CFAP47: variants seen among roughly 807,000 people sequenced by gnomAD.
CFAP47 encodes cilia and flagella associated protein 47.
A neutral mutation model predicts 148.1 loss-of-function variants in CFAP47; 29 were observed. That is an observed-to-expected ratio of 0.20 (90% confidence interval 0.15 to 0.27). The LOEUF (loss-of-function observed/expected upper bound fraction) is 0.27. CFAP47 is among the 10% of genes least tolerant of loss of function. The pLI is 1.00. For missense variants in CFAP47, 1,872 were observed against 1,697.5 expected, an observed-to-expected ratio of 1.10 and a Z score of -1.81; for synonymous variants, 664 against 577.3, an observed-to-expected ratio of 1.15 and a Z score of -2.15.
intron 37 of CFAP47, among the ~76,000 whole-genome samples, chrX:36,157,684 G>GT (rs1343665748): frequency 2.7e-3 from 282 of 106,283 alleles, no homozygotes; most frequent in Middle Eastern, 0.019. Context: ...GAATAGTGGT[G>GT]TTTTTTTTTT....
rs183769712 is a variant in CFAP47, at chrX:36,219,871, G to A, written c.6818-8757G>A. On this transcript the variant is annotated intron_variant, in intron 45 of 63. Coordinates refer to ENST00000378653, the MANE Select transcript of CFAP47 (RefSeq NM_001304548.2). ...AATGTATAAAACCAAGTTGTGCCCC[G>A]ACCACCTTGAGCACATGTTGTCAGG... Among the ~76,000 whole-genome samples the A allele has an allele frequency of 2.2e-3, 245 of 111,152 alleles. 1 individual carries two copies. The highest frequency in any genetic ancestry group is 3.2e-3 in the Non-Finnish European group (172 of 52,992).
chrX:36,339,834 G>C (rs190652778), intron 57 of CFAP47, among the ~76,000 whole-genome samples: 1 of 111,989 alleles, frequency 8.9e-6, no homozygotes, highest in Admixed American at 9.5e-5. Flanking sequence ...ATGTTGTAAA[G>C]TTTACCTTAG....
intron 56 of CFAP47, among the ~76,000 whole-genome samples, chrX:36,317,304 A>G (rs990002553): frequency 2.0e-4 from 22 of 112,113 alleles, no homozygotes; most frequent in Non-Finnish European, 3.4e-4. Flanking sequence ...TCCCAAATTC[A>G]GACATGCAAC....
At chrX:36,303,265 C>T (rs7056360) in intron 53 of CFAP47, among the ~76,000 whole-genome samples, 687 of 111,890 alleles carry the variant, frequency 6.1e-3, no homozygotes, top group African/African-American at 0.021. Flanking sequence ...TGGCTCACTG[C>T]AGCCTCAAAC....
At chrX:36,249,866 C>T (rs189831185) in intron 48 of CFAP47, among the ~76,000 whole-genome samples, 1 of 111,152 alleles carries the variant, frequency 9.0e-6, no homozygotes. Context: ...TATGGACTTT[C>T]CCTACACTAC....
At chrX:35,997,176 G>GA (rs1265725726) in intron 18 of CFAP47, 136 bp from the exon 19 acceptor site, 2 of 247,195 alleles carry the variant, frequency 8.1e-6, no homozygotes, top group African/African-American at 2.9e-5. Context: ...ACAATTACCA[G>GA]AAAAAATCTT....
At chrX:36,383,876 G>A (rs1556024625) in intron 63 of CFAP47, among the ~76,000 whole-genome samples, 1 of 111,695 alleles carries the variant, frequency 9.0e-6, no homozygotes. Flanking sequence ...ATAAACACAG[G>A]TGGTTTCAGG....
intron 33 of CFAP47, among the ~76,000 whole-genome samples, chrX:36,106,204 A>C (rs5973575): frequency 0.24 from 26,203 of 111,253 alleles, 4,048 homozygotes; most frequent in African/African-American, 0.55. Flanking sequence ...TGTAAACATA[A>C]ATGTATTTGT....
chrX:36,173,726 C>T (rs755611273), intron 39 of CFAP47, among the ~76,000 whole-genome samples: 66 of 111,178 alleles, frequency 5.9e-4, no homozygotes, highest in Non-Finnish European at 1.0e-3. Flanking sequence ...CCAAGTATGT[C>T]GTCAATTTTG....
intron 26 of CFAP47, among the ~76,000 whole-genome samples, chrX:36,060,761 A>AAGAC (rs1272675568): frequency 3.6e-5 from 4 of 111,335 alleles, no homozygotes; most frequent in Non-Finnish European, 7.5e-5. Flanking sequence ...TATTTTCTAG[A>AAGAC]ATTATTAGTG....
intron 48 of CFAP47, among the ~76,000 whole-genome samples, chrX:36,243,827 A>G (rs782373701): frequency 1.2e-3 from 130 of 108,157 alleles, no homozygotes; most frequent in African/African-American, 4.0e-3. Context: ...TTTAGAAAGA[A>G]GTCCTGAACT....
Position 36,019,142 on chromosome X carries a change from A to G in CFAP47, c.3556+4230A>G, listed in dbSNP as rs765108977. 9.8e-5 allele frequency among the ~76,000 whole-genome samples: 11 copies of G among 111,796 alleles called. No individual in the cohort carries two copies. The East Asian group carries it at 3.1e-3, about 32-fold the overall frequency. ...CCCTGACCCAGCGACAGATGAATGA[A>G]GTACACCGACACACAGATATTCTGC... On this transcript the variant is annotated intron_variant, in intron 22 of 63. Coordinates refer to ENST00000378653, the MANE Select transcript of CFAP47 (RefSeq NM_001304548.2).
At chrX:36,132,638 A>C (rs1373377490) in intron 33 of CFAP47, among the ~76,000 whole-genome samples, 2 of 111,832 alleles carry the variant, frequency 1.8e-5, no homozygotes, top group African/African-American at 6.5e-5. Context: ...AGGGCTTGGC[A>C]GCAGCCTTGA....
chrX:36,311,721 A>T (rs1556010047), intron 56 of CFAP47, among the ~76,000 whole-genome samples: 1 of 111,298 alleles, frequency 9.0e-6, no homozygotes, highest in African/African-American at 3.2e-5. Flanking sequence ...TGCAATTAGA[A>T]GTATAATATA....
At chrX:36,371,769 TAC>T (rs1156242309) in intron 62 of CFAP47, among the ~76,000 whole-genome samples, 2 of 54,489 alleles carry the variant, frequency 3.7e-5, no homozygotes, top group Non-Finnish European at 5.7e-5. Context: ...TGTGTGTATA[TAC>T]ACACATGTGT....
At chrX:36,184,407 T>A (rs1212253322) in intron 40 of CFAP47, among the ~76,000 whole-genome samples, 1 of 110,879 alleles carries the variant, frequency 9.0e-6, no homozygotes, top group East Asian at 2.9e-4. Flanking sequence ...GCAGGGCCAA[T>A]ATAGAAGCAT....
chrX:36,173,084 C>T (rs1264768520), intron 39 of CFAP47, among the ~76,000 whole-genome samples: 1 of 111,128 alleles, frequency 9.0e-6, no homozygotes, highest in Non-Finnish European at 1.9e-5. Flanking sequence ...AGTTTATTTG[C>T]GTAGAGGTGT....
At chrX:35,991,714 T>C in intron 16 of CFAP47, 107 bp from the exon 17 acceptor site, 1 of 276,645 alleles carries the variant, frequency 3.6e-6, no homozygotes, top group Middle Eastern at 1.0e-3. Context: ...TATCTTTGGT[T>C]AATATATATT....
At chrX:35,970,700 G>T (rs1936476014) in intron 10 of CFAP47, 68 bp from the exon 11 acceptor site, 1 of 861,909 alleles carries the variant, frequency 1.2e-6, no homozygotes, top group Admixed American at 3.8e-5. Flanking sequence ...TGGCTAGGAG[G>T]CTGTCAGTAA....
Sources: gnomAD v4.1 joint callset for allele counts (sites outside exome capture counted in the v4.1 genomes callset) on GRCh38, gnomAD v4.1.1 for gene constraint, MANE v1.5 for transcripts, NCBI Gene and HGNC (gene_info 2026-07-23, HGNC 2026-07-21) for gene names.